PPFIA4: variants seen among roughly 807,000 people sequenced by gnomAD.
PPFIA4 encodes PPFI scaffold protein A4.
Under a neutral mutation model 145.7 loss-of-function variants are expected in PPFIA4, and 98 were observed. The observed-to-expected ratio is 0.67, with a 90% CI of 0.57 to 0.80. The LOEUF (loss-of-function observed/expected upper bound fraction) is 0.80. Ranked by LOEUF, PPFIA4 falls within the 30% of genes least tolerant of loss-of-function variation. The pLI is 0.00. For synonymous variants in PPFIA4, 628 were observed against 649.6 expected, an observed-to-expected ratio of 0.97 and a Z score of 0.51; for missense variants, 1,457 against 1,632.7, an observed-to-expected ratio of 0.89 and a Z score of 1.85.
chr1:203,033,033 T>C (rs961395375), intron 1 of PPFIA4, among the ~76,000 whole-genome samples: 1 of 152,194 alleles, frequency 6.6e-6, no homozygotes, highest in Non-Finnish European at 1.5e-5. Context: ...GATGCTTCCT[T>C]CCGTGTCCCC....
At chr1:203,051,948 A>AT in intron 14 of PPFIA4, 71 bp downstream of exon 14, 1 of 1,517,408 alleles carries the variant, frequency 6.6e-7, no homozygotes, top group Admixed American at 1.9e-5. Flanking sequence ...CCAGTTACGC[A>AT]GACGGCTGGT....
At position 203,053,920 on chromosome 1, in the gene PPFIA4, G is replaced by C; in HGVS notation, c.1788G>C (p.Met596Ile). The change falls in exon 15 of 30, where the codon ATG (methionine) becomes ATC (isoleucine). Residue 596 changes from methionine to isoleucine, a missense_variant. Coordinates refer to ENST00000295706, the MANE Select transcript of PPFIA4 (RefSeq NM_001304331.2). ...ACTCAGATGCCCAGACCCTGGCCAT[G>C]ATGCTGCAGGAGCAGCTGGATGCCA... ...SGHSDAQTLA[M>I]MLQEQLDAIN... 1 of 1,567,456 alleles carries C rather than the reference G, an allele frequency of 6.4e-7. No individual in the cohort carries two copies. The highest frequency in any genetic ancestry group is 8.7e-7 in the Non-Finnish European group (1 of 1,155,736).
In PPFIA4 at chr1:203,059,230, G is replaced by A. The variant is rs962573622; in HGVS notation, c.2460G>A (p.Lys820=). Reference sequence around the variant, plus strand: ...TGCAGGAGCCTATGGTGCCTGCCAAGCTGGGGACCCAGGCAGAGAAGGACC... The same window carrying A: ...TGCAGGAGCCTATGGTGCCTGCCAAACTGGGGACCCAGGCAGAGAAGGACC... ...FSMQEPMVPA[K]LGTQAEKDRR... Residue 820 remains lysine (K), a synonymous_variant, in exon 20 of 30, where the codon AAG becomes AAA. Transcript: ENST00000295706. 13 of 1,557,806 alleles carry A rather than the reference G, an allele frequency of 8.3e-6. No individual in the cohort carries two copies. In the South Asian group the frequency reaches 1.2e-4, roughly 14 times the overall value.
chr1:203,045,362 C>A lies in PPFIA4; in HGVS notation c.667-6C>A, dbSNP rs541912523. 8.2e-5 allele frequency: 130 copies of A among 1,582,984 alleles called. No individual in the cohort carries two copies. The Admixed American group carries it at 1.1e-3, about 14-fold the overall frequency. On this transcript the variant is annotated splice_region_variant and splice_polypyrimidine_tract_variant and intron_variant, in intron 6 of 29. Transcript: ENST00000295706. ...ACTCACAGAGCTACTGTCCCTATCC[C>A]TGGAGGAGGATACGGGCCGGGTAGA...
chr1:203,042,730 G>T (rs143990214), intron 2 of PPFIA4, among the ~76,000 whole-genome samples: 1 of 152,100 alleles, frequency 6.6e-6, no homozygotes, highest in Non-Finnish European at 1.5e-5. Context: ...TCCGCCTCCC[G>T]GGTTCAAGTG....
intron 1 of PPFIA4, among the ~76,000 whole-genome samples, chr1:203,031,476 G>A (rs1178741201): frequency 6.6e-6 from 1 of 151,842 alleles, no homozygotes; most frequent in Non-Finnish European, 1.5e-5. Flanking sequence ...TTCTCTTTTC[G>A]TACTGCCCGC....
Position 203,048,797 on chromosome 1 carries a change from C to A in PPFIA4, c.1356+83C>A. On this transcript the variant is annotated intron_variant, in intron 11 of 29. Coordinates refer to ENST00000295706, the MANE Select transcript of PPFIA4 (RefSeq NM_001304331.2). The surrounding 1 kb of genome is among the most constrained non-coding windows in gnomAD (Gnocchi z 5.8). ...GAGGCGGGACTGTGATGGGCGCAGG[C>A]GGGGTCTCAATGGGGTGGGTGGCCA... The A allele has an allele frequency of 1.5e-6, 2 of 1,313,214 alleles. No individual in the cohort carries two copies. The highest frequency in any genetic ancestry group is 2.1e-6 in the Non-Finnish European group (2 of 966,392). 81.3% of individuals were successfully genotyped at this position (1,313,214 alleles called of 1,614,324 possible). A position where few individuals can be genotyped will look rare whatever the true frequency, so the allele number is the denominator to read the frequency against.
chr1:203,075,476 T>G lies in PPFIA4; in HGVS notation c.3394-101T>G. The G allele has an allele frequency of 1.0e-6, 1 of 974,836 alleles. No homozygotes were observed. Among genetic ancestry groups the G allele is most frequent in the South Asian group, 3.5e-5 (1 of 28,642 alleles). The allele number at this position is 974,836 out of a possible 1,614,324, so 60.4% of individuals were successfully genotyped here. On this transcript the variant is annotated intron_variant, in intron 28 of 29. Transcript: ENST00000295706. This position sits in a 1 kb window ranked among gnomAD's most constrained non-coding sequence, Gnocchi z 4.1. ...CTCCCTCTTTCCAAAGGGGTGGGAG[T>G]GGTGCCCCTTGAACCAGCAGCGACT...
At position 203,056,843 on chromosome 1, in the gene PPFIA4, A is replaced by G; in HGVS notation, c.2300A>G (p.His767Arg). The G allele has an allele frequency of 1.2e-6, 2 of 1,614,070 alleles. No individual in the cohort carries two copies. The highest frequency in any genetic ancestry group is 2.2e-5 in the East Asian group (1 of 44,886). ...SSSNSSQDSL[H>R]KGAKRKGIKS... ...AGCAACAGCAGCCAGGACTCCCTGC[A>G]CAAGGGCGCCAAGCGCAAGGGCATC... is the stretch of plus-strand genomic sequence containing the variant. The change falls in exon 19 of 30, where the codon CAC (histidine) becomes CGC (arginine). Residue 767 changes from histidine (H) to arginine (R), a missense_variant. This residue lies in a region of PPFIA4 where 848 missense variants were observed against 1,046.7 expected (regional missense o/e 0.81). Transcript: ENST00000295706.
chr1:203,032,042 G>C (rs538412653), intron 1 of PPFIA4, among the ~76,000 whole-genome samples: 20 of 8,418 alleles, frequency 2.4e-3, no homozygotes, highest in African/African-American at 5.7e-3. Context: ...CTGAGAGAAC[G>C]TGTGTGTGTG....
intron 15 of PPFIA4, 129 bp downstream of exon 15, chr1:203,054,090 T>C: frequency 9.2e-7 from 1 of 1,088,618 alleles, no homozygotes. Flanking sequence ...TCAGGGACCC[T>C]CTGTGGGTCA....
In PPFIA4 at chr1:203,039,325, C is replaced by A. The variant is rs147586301; in HGVS notation, c.234+83C>A. 1,842 of 944,924 alleles carry A rather than the reference C, an allele frequency of 1.9e-3. 21 individuals carry two copies. In the African/African-American group the frequency reaches 0.023, roughly 12 times the overall value. 58.5% of individuals were successfully genotyped at this position (944,924 alleles called of 1,614,324 possible). The stretch of plus-strand genomic sequence containing the variant: ...ATCCACTGGGCCCTCAGCTCATCTG[C>A]ATCTATTTGCATATCAATAATTGGA... On this transcript the variant is annotated intron_variant, in intron 2 of 29. Transcript: ENST00000295706.
chr1:203,034,759 G>A (rs1235853988), intron 1 of PPFIA4: 9 of 455,050 alleles, frequency 2.0e-5, no homozygotes, highest in African/African-American at 8.0e-5. Context: ...GCTGTCCTCC[G>A]GCTGCCATCA....
intron 27 of PPFIA4, 25 bp from the exon 28 acceptor site, chr1:203,071,667 C>T (rs754310788): frequency 4.6e-5 from 72 of 1,576,812 alleles, no homozygotes; most frequent in Non-Finnish European, 5.8e-5. Flanking sequence ...TCCCACCTTT[C>T]CCTCTCCTGC....
At chr1:203,029,309 CT>C (rs1658656808) in intron 1 of PPFIA4, among the ~76,000 whole-genome samples, 1 of 152,222 alleles carries the variant, frequency 6.6e-6, no homozygotes, top group Non-Finnish European at 1.5e-5. Context: ...GAATAGCCAT[CT>C]GCCTTTCACT....
intron 15 of PPFIA4, 26 bp downstream of exon 15, chr1:203,053,987 G>A (rs573102535): frequency 8.4e-5 from 130 of 1,550,144 alleles, no homozygotes; most frequent in Middle Eastern, 1.7e-4. Context: ...GAGGGCTTGG[G>A]AAGTGCATTG....
At chr1:203,035,548 C>G in intron 1 of PPFIA4, 2 of 456,868 alleles carry the variant, frequency 4.4e-6, no homozygotes. Flanking sequence ...CCCTCTTCCT[C>G]TGTTTCACAG....
In PPFIA4 at chr1:203,068,343, G is replaced by A. The variant is rs561404645; in HGVS notation, c.3149-110G>A. 315 of 939,818 alleles carry A rather than the reference G, an allele frequency of 3.4e-4. 2 individuals are homozygous for A. In the South Asian group the frequency reaches 4.2e-3, roughly 12 times the overall value. The allele number at this position is 939,818 out of a possible 1,614,324, so 58.2% of individuals were successfully genotyped here. A position where few individuals can be genotyped will look rare whatever the true frequency, so the allele number is the denominator to read the frequency against. ...ATTTAGGGATGGAGTGGGGGTCAGA[G>A]AGCAGGGTGGACTGCGGCTCTGGGT... On this transcript the variant is annotated intron_variant, in intron 26 of 29. Transcript: ENST00000295706. This position sits in a 1 kb window ranked among gnomAD's most constrained non-coding sequence, Gnocchi z 4.7.
chr1:203,076,496 T>A lies in PPFIA4; in HGVS notation c.*106T>A. 2 of 1,180,766 alleles carry A rather than the reference T, an allele frequency of 1.7e-6. No homozygotes were observed. Among genetic ancestry groups the A allele is most frequent in the Non-Finnish European group, 2.5e-6 (2 of 806,992 alleles). 73.1% of individuals were successfully genotyped at this position (1,180,766 alleles called of 1,614,324 possible). A position where few individuals can be genotyped will look rare whatever the true frequency, so the allele number is the denominator to read the frequency against. On this transcript the variant is annotated 3_prime_UTR_variant, in exon 30 of 30. Transcript: ENST00000295706. Reference sequence around the variant, plus strand: ...CTTCCGCAGCTCCTAGTCTCGTCCGTGACTTTCCGGTTGCCCTGGATCTCA... The same window carrying A: ...CTTCCGCAGCTCCTAGTCTCGTCCGAGACTTTCCGGTTGCCCTGGATCTCA...
Sources: gnomAD v4.1 joint callset for allele counts (sites outside exome capture counted in the v4.1 genomes callset) on GRCh38, gnomAD v4.1.1 for gene constraint, gnomAD v4.1.1 regional missense constraint, Gnocchi (gnomAD v3.1) non-coding constraint, MANE v1.5 for transcripts, NCBI Gene and HGNC (gene_info 2026-07-23, HGNC 2026-07-21) for gene names.